Variants in RALGAPA1 observed in about 807,000 individuals in gnomAD.
RALGAPA1 encodes the protein ral GTPase-activating protein subunit alpha-1.
RALGAPA1 carries 52 observed loss-of-function variants against 269.6 expected under a neutral mutation model. The observed-to-expected ratio is 0.19, with a 90% CI of 0.15 to 0.24. RALGAPA1 has a LOEUF of 0.24. Ranked by LOEUF, RALGAPA1 falls within the 10% of genes least tolerant of loss-of-function variation. RALGAPA1 has a pLI of 1.00. For synonymous variants in RALGAPA1, 817 were observed against 1,008.3 expected, an observed-to-expected ratio of 0.81 and a Z score of 3.60; for missense variants, 1,917 against 3,013.9, an observed-to-expected ratio of 0.64 and a Z score of 8.52.
At chr14:35,745,379 T>C (rs1241111015) in intron 10 of RALGAPA1, among the ~76,000 whole-genome samples, 1 of 150,166 alleles carries the variant, frequency 6.7e-6, no homozygotes, top group African/African-American at 2.5e-5. Flanking sequence ...TATAGAGCAA[T>C]GGAACAGACA....
At chr14:35,788,667 A>G (rs2075961787) in intron 1 of RALGAPA1, among the ~76,000 whole-genome samples, 1 of 152,132 alleles carries the variant, frequency 6.6e-6, no homozygotes, top group South Asian at 2.1e-4. Flanking sequence ...GTTAAACATA[A>G]TTTGTCTAAA....
chr14:35,555,340 G>A (rs2055500918), intron 39 of RALGAPA1, among the ~76,000 whole-genome samples: 1 of 152,032 alleles, frequency 6.6e-6, no homozygotes, highest in African/African-American at 2.4e-5. Flanking sequence ...ACAATGGCAT[G>A]AGAAATGAAT....
chr14:35,680,909 C>T (rs774912032), intron 21 of RALGAPA1, among the ~76,000 whole-genome samples: 5 of 152,078 alleles, frequency 3.3e-5, no homozygotes, highest in African/African-American at 7.2e-5. Flanking sequence ...CCACCACGCC[C>T]GGCCTATTTT....
At chr14:35,605,777 G>A in intron 35 of RALGAPA1, 68 bp from the exon 36 acceptor site, 2 of 1,546,078 alleles carry the variant, frequency 1.3e-6, no homozygotes, top group Admixed American at 2.0e-5. Flanking sequence ...CAACAATTAA[G>A]TTCTATGTAC....
intron 22 of RALGAPA1, among the ~76,000 whole-genome samples, chr14:35,675,820 G>A (rs1422299452): frequency 6.6e-6 from 1 of 152,256 alleles, no homozygotes; most frequent in Admixed American, 6.5e-5. Flanking sequence ...TAAAAATTTT[G>A]TAGACTGAAA....
At chr14:35,563,049 G>GCC (rs2056414551) in intron 39 of RALGAPA1, among the ~76,000 whole-genome samples, 14 of 58,918 alleles carry the variant, frequency 2.4e-4, no homozygotes, top group African/African-American at 9.0e-4. Flanking sequence ...AAAAAAAAAA[G>GCC]AATCCATGCT....
intron 35 of RALGAPA1, among the ~76,000 whole-genome samples, chr14:35,611,454 A>T (rs903379471): frequency 6.6e-6 from 1 of 151,682 alleles, no homozygotes; most frequent in Admixed American, 6.6e-5. Context: ...GTGAGCTGAG[A>T]TCATGCCACT....
chr14:35,644,281 A>G (rs1349040011), intron 31 of RALGAPA1, among the ~76,000 whole-genome samples: 1 of 152,244 alleles, frequency 6.6e-6, no homozygotes, highest in Non-Finnish European at 1.5e-5. Flanking sequence ...AGCAAAGACT[A>G]TCTAGGCTAT....
intron 31 of RALGAPA1, among the ~76,000 whole-genome samples, chr14:35,637,204 T>A (rs1053763661): frequency 1.3e-5 from 2 of 152,038 alleles, no homozygotes; most frequent in African/African-American, 2.4e-5. Context: ...CAGGAAAACA[T>A]GACCTCACCA....
rs186877062 is a variant in RALGAPA1, at chr14:35,692,216, C to T, written c.2408-2213G>A. Among the ~76,000 whole-genome samples the T allele has an allele frequency of 3.7e-4, 57 of 152,066 alleles. 1 individual carries two copies. Among genetic ancestry groups the T allele is most frequent in the African/African-American group, 8.9e-4 (37 of 41,528 alleles). ...TATAGCTGTTCTATAAGAATTCTTA[C>T]GAATTTTATAGCTTGGAATTTATTT... is the stretch of plus-strand genomic sequence containing the variant. On this transcript the variant is annotated intron_variant, in intron 17 of 41. Transcript: ENST00000680220.
chr14:35,582,013 T>G (rs1225943680), intron 37 of RALGAPA1, among the ~76,000 whole-genome samples: 1 of 152,176 alleles, frequency 6.6e-6, no homozygotes, highest in Non-Finnish European at 1.5e-5. Context: ...GTAAACAAAA[T>G]GAGGTATATA....
chr14:35,752,547 G>A (rs180797008), intron 7 of RALGAPA1, among the ~76,000 whole-genome samples: 3 of 152,256 alleles, frequency 2.0e-5, no homozygotes, highest in South Asian at 2.1e-4. Flanking sequence ...AAGTGCAGAC[G>A]ATCAGAGCCT....
intron 11 of RALGAPA1, among the ~76,000 whole-genome samples, chr14:35,739,913 T>G (rs1479022829): frequency 6.6e-6 from 1 of 152,144 alleles, no homozygotes; most frequent in Non-Finnish European, 1.5e-5. Context: ...AGAATGTAAT[T>G]AAAGCCTACT....
chr14:35,656,040 T>C (rs928603739), intron 28 of RALGAPA1, 125 bp from the exon 29 acceptor site: 23 of 1,495,154 alleles, frequency 1.5e-5, no homozygotes, highest in African/African-American at 2.9e-5. Flanking sequence ...TGTTACTCTA[T>C]ACATTAACTG....
At position 35,725,003 on chromosome 14, in the gene RALGAPA1, CTATT is replaced by C. The variant is rs1381678258; in HGVS notation, c.1866+17_1866+20del. The C allele has an allele frequency of 1.3e-6, 2 of 1,570,250 alleles. No homozygotes were observed. The highest frequency in any genetic ancestry group is 1.7e-6 in the Non-Finnish European group (2 of 1,159,326). On this transcript the variant is annotated intron_variant, in intron 14 of 41. Coordinates refer to ENST00000680220, the MANE Select transcript of RALGAPA1 (RefSeq NM_001346249.2). The stretch of plus-strand genomic sequence containing the variant: ...AACCCATATCTATCCAGCTATTCAT[CTATT>C]TATTTATTTTTATTGCCTGGAAAAG...
chr14:35,697,344 T>C (rs2066984034), intron 17 of RALGAPA1, among the ~76,000 whole-genome samples: 2 of 151,944 alleles, frequency 1.3e-5, no homozygotes, highest in Admixed American at 1.3e-4. Context: ...TTTTTTGTTT[T>C]GTTTTGTTTT....
chr14:35,604,735 G>C (rs894771096), intron 36 of RALGAPA1, among the ~76,000 whole-genome samples: 1 of 152,036 alleles, frequency 6.6e-6, no homozygotes, highest in Non-Finnish European at 1.5e-5. Context: ...ATAAATATAT[G>C]TGCTTTAAGT....
chr14:35,760,256 C>G (rs1385961090), intron 6 of RALGAPA1, among the ~76,000 whole-genome samples: 1 of 152,026 alleles, frequency 6.6e-6, no homozygotes, highest in Non-Finnish European at 1.5e-5. Flanking sequence ...TATGTCCTTC[C>G]CAGGGCTAGC....
At chr14:35,602,151 TTCC>T (rs2059328729) in intron 36 of RALGAPA1, among the ~76,000 whole-genome samples, 1 of 152,234 alleles carries the variant, frequency 6.6e-6, no homozygotes, top group Non-Finnish European at 1.5e-5. Flanking sequence ...AATCACTTTC[TTCC>T]TTTTTATGAC....
Sources: allele counts gnomAD v4.1 joint callset (sites outside exome capture counted in the v4.1 genomes callset), GRCh38; gene constraint gnomAD v4.1.1; transcripts MANE v1.5; gene names NCBI Gene and HGNC (gene_info 2026-07-23, HGNC 2026-07-21).